EVI5: variants seen among roughly 807,000 people sequenced by gnomAD.
The protein encoded by EVI5 is ecotropic viral integration site 5 protein homolog.
EVI5 carries 73 observed loss-of-function variants against 112.0 expected under a neutral mutation model. The observed-to-expected ratio is 0.65, with a 90% CI of 0.54 to 0.79. EVI5 has a LOEUF of 0.79. Ranked by LOEUF, EVI5 falls within the 30% of genes least tolerant of loss-of-function variation. The pLI, the probability that EVI5 is intolerant of heterozygous loss-of-function variation, is 0.00. For missense variants in EVI5, 900 were observed against 968.8 expected, an observed-to-expected ratio of 0.93 and a Z score of 0.94; for synonymous variants, 305 against 319.9, an observed-to-expected ratio of 0.95 and a Z score of 0.50.
rs952820828 is a variant in EVI5, at chr1:92,651,026, C to T, written c.1392+11693G>A. Among the ~76,000 whole-genome samples, 5 of 152,230 alleles carry T rather than the reference C, an allele frequency of 3.3e-5. No homozygotes were observed. The South Asian group carries it at 1.0e-3, about 32-fold the overall frequency. ...ACCTGCACAAACCACCTCTCCTCTG[C>T]TTTATTTTTATTTTTCTTCATCACC... On this transcript the variant is annotated intron_variant, in intron 13 of 19. Coordinates refer to ENST00000684568, the MANE Select transcript of EVI5 (RefSeq NM_001350197.2).
intron 18 of EVI5, among the ~76,000 whole-genome samples, chr1:92,574,406 C>T (rs1049232293): frequency 1.6e-4 from 24 of 152,110 alleles, no homozygotes; most frequent in African/African-American, 5.8e-4. Flanking sequence ...AAAAGTTGAA[C>T]AATTAAATGT....
chr1:92,587,400 AAAAAAACTATTAACAAGTT>A (rs949726614), intron 18 of EVI5, among the ~76,000 whole-genome samples: 1 of 151,980 alleles, frequency 6.6e-6, no homozygotes, highest in African/African-American at 2.4e-5. Flanking sequence ...AAAAAAAAAA[AAAAAAACTATTAACAAGTT>A]AGCTCAGGAA....
At chr1:92,633,898 T>C (rs552749967) in intron 14 of EVI5, among the ~76,000 whole-genome samples, 16 of 152,318 alleles carry the variant, frequency 1.1e-4, no homozygotes, top group African/African-American at 3.6e-4. Context: ...TCTCTCACCA[T>C]TTGCTTGACT....
At chr1:92,618,990 T>C (rs979012007) in intron 16 of EVI5, among the ~76,000 whole-genome samples, 3 of 152,218 alleles carry the variant, frequency 2.0e-5, no homozygotes, top group Non-Finnish European at 4.4e-5. Context: ...TTAGGCATAA[T>C]TATTACCTCA....
At chr1:92,636,019 T>C (rs1415726611) in intron 14 of EVI5, among the ~76,000 whole-genome samples, 183 bp downstream of exon 14, 3 of 152,242 alleles carry the variant, frequency 2.0e-5, no homozygotes. Flanking sequence ...GTGATTAGTA[T>C]GAAGGCAACA....
At chr1:92,708,952 T>C (rs1672432478) in intron 2 of EVI5, among the ~76,000 whole-genome samples, 1 of 152,104 alleles carries the variant, frequency 6.6e-6, no homozygotes, top group Non-Finnish European at 1.5e-5. Flanking sequence ...GGAGTGAAGG[T>C]AGTCAGGAAA....
intron 18 of EVI5, among the ~76,000 whole-genome samples, chr1:92,585,647 T>A (rs1672657589): frequency 6.6e-6 from 1 of 151,968 alleles, no homozygotes; most frequent in Non-Finnish European, 1.5e-5. Context: ...AAACTAGTTT[T>A]AAAAAAAATT....
intron 19 of EVI5, among the ~76,000 whole-genome samples, chr1:92,557,889 C>A (rs1667926548): frequency 8.2e-6 from 1 of 121,926 alleles, no homozygotes; most frequent in South Asian, 3.5e-4. Context: ...CACGCCCAGC[C>A]AATTTTTGTA....
chr1:92,693,855 G>C lies in EVI5; in HGVS notation c.1044C>G (p.Asp348Glu). 1 of 1,607,228 alleles carries C rather than the reference G, an allele frequency of 6.2e-7. No individual in the cohort carries two copies. Among genetic ancestry groups the C allele is most frequent in the Admixed American group, 1.7e-5 (1 of 59,902 alleles). The change falls in exon 9 of 20, where the codon GAC becomes GAG. Residue 348 changes from aspartate (D) to glutamate (E), a missense_variant. Coordinates refer to ENST00000684568, the MANE Select transcript of EVI5 (RefSeq NM_001350197.2). Reference protein sequence around the residue: ...VIPHQFDGVPDKLIQAAYQVK... With the variant: ...VIPHQFDGVPEKLIQAAYQVK... ...CTTGGTAAGCTGCTTGGATTAGCTT[G>C]TCTGGGACACCATCAAACTGATGTG...
chr1:92,574,311 A>G (rs1408734880), intron 18 of EVI5, among the ~76,000 whole-genome samples: 3 of 152,156 alleles, frequency 2.0e-5, no homozygotes, highest in Non-Finnish European at 4.4e-5. Flanking sequence ...GTATTTGTGC[A>G]ATGTGTATAT....
At chr1:92,673,995 TGATCATACCAATG>T (rs1373247075) in intron 10 of EVI5, among the ~76,000 whole-genome samples, 5 of 152,234 alleles carry the variant, frequency 3.3e-5, no homozygotes, top group Non-Finnish European at 5.9e-5. Context: ...AACAATTTGA[TGATCATACCAATG>T]GGCTGTAAAA....
At chr1:92,567,503 C>T (rs1049280361) in intron 18 of EVI5, among the ~76,000 whole-genome samples, 4 of 152,088 alleles carry the variant, frequency 2.6e-5, no homozygotes, top group African/African-American at 9.7e-5. Flanking sequence ...TTTACTGTAC[C>T]TCTTCTATGT....
chr1:92,589,308 A>G (rs1402743151), intron 18 of EVI5, among the ~76,000 whole-genome samples: 1 of 152,192 alleles, frequency 6.6e-6, no homozygotes, highest in Non-Finnish European at 1.5e-5. Context: ...GAGCCGAAGT[A>G]GGACGAGGCA....
At chr1:92,616,918 G>A (rs956343023) in intron 16 of EVI5, among the ~76,000 whole-genome samples, 9 of 152,210 alleles carry the variant, frequency 5.9e-5, no homozygotes, top group Admixed American at 3.3e-4. Flanking sequence ...TGGTATGTAC[G>A]TGATCAGGCT....
chr1:92,595,334 A>T (rs1647445580), intron 18 of EVI5, among the ~76,000 whole-genome samples: 1 of 151,542 alleles, frequency 6.6e-6, no homozygotes, highest in Non-Finnish European at 1.5e-5. Flanking sequence ...CAAACACCGC[A>T]TGTTCTCACT....
chr1:92,704,613 C>T lies in EVI5; in HGVS notation c.281G>A (p.Trp94Ter), dbSNP rs372087232. 4 of 1,597,068 alleles carry T rather than the reference C, an allele frequency of 2.5e-6. No individual in the cohort carries two copies. Among genetic ancestry groups the T allele is most frequent in the Non-Finnish European group, 3.4e-6 (4 of 1,171,268 alleles). ...SHLEEDSWIL[W>*]GRIVNEWEDV... The stretch of plus-strand genomic sequence containing the variant: ...TTCCCATTCATTAACAATTCTTCCC[C>T]AAAGAATCCAAGAATCTTCTTCAAG... The change falls in exon 3 of 20, where the codon TGG becomes TAG. Residue 94 changes from tryptophan (W) to a stop codon, truncating the protein, a stop_gained. Transcript: ENST00000684568. LOFTEE classifies it high-confidence loss of function.
chr1:92,636,313 G>T lies in EVI5; in HGVS notation c.1416C>A (p.Asn472Lys). 6.2e-7 allele frequency: 1 copy of T among 1,613,556 alleles called. No homozygotes were observed. Among genetic ancestry groups the T allele is most frequent in the Non-Finnish European group, 8.5e-7 (1 of 1,179,604 alleles). ...QQWHKCSSNY[N>K]EDFVLQLEKE... is the part of the protein sequence containing the mutation. ...TCTCTAGCTGTAGCACAAAATCTTC[G>T]TTGTAGTTGGAACTGCATTTATGCT... Residue 472 changes from asparagine (N) to lysine (K), a missense_variant, in exon 14 of 20, where the codon AAC (asparagine) becomes AAA (lysine). Asn to Lys is a moderately conservative substitution (Grantham distance 94). Coordinates refer to ENST00000684568, the MANE Select transcript of EVI5 (RefSeq NM_001350197.2).
intron 14 of EVI5, 53 bp from the exon 15 acceptor site, chr1:92,625,987 C>G: frequency 9.0e-7 from 1 of 1,107,040 alleles, no homozygotes; most frequent in Non-Finnish European, 1.4e-6. Flanking sequence ...GAATAAAATA[C>G]AGCACACACA....
intron 9 of EVI5, among the ~76,000 whole-genome samples, chr1:92,680,710 T>G (rs1001710958): frequency 6.6e-6 from 1 of 152,162 alleles, no homozygotes; most frequent in Non-Finnish European, 1.5e-5. Context: ...AAAGCTAACA[T>G]TACCAGTTCT....
Sources: allele counts gnomAD v4.1 joint callset (sites outside exome capture counted in the v4.1 genomes callset), GRCh38; gene constraint gnomAD v4.1.1; transcripts MANE v1.5; gene names NCBI Gene and HGNC (gene_info 2026-07-23, HGNC 2026-07-21).